The following LSAMP variants were observed in gnomAD, a reference collection of about 807,000 sequenced individuals.
LSAMP encodes the protein limbic system-associated membrane protein.
LSAMP carries 7 observed loss-of-function variants against 38.6 expected under a neutral mutation model. The ratio of observed to expected loss-of-function variants is 0.18; its 90% CI spans 0.10 to 0.34. The LOEUF is 0.34. Ranked by LOEUF, LSAMP falls within the 10% of genes least tolerant of loss-of-function variation. The pLI is 1.00. For missense variants in LSAMP, 313 were observed against 420.0 expected (o/e 0.75, Z 2.23); for synonymous variants, 154 against 166.8 (o/e 0.92, Z 0.59).
chr3:115,972,807 A>T (rs142624416), intron 3 of LSAMP, among the ~76,000 whole-genome samples: 1 of 150,530 alleles, frequency 6.6e-6, no homozygotes, highest in Non-Finnish European at 1.5e-5. Context: ...TGATGCAGTT[A>T]TTGTGAGGAT....
chr3:116,394,246 T>C (rs1408671592), intron 1 of LSAMP, among the ~76,000 whole-genome samples: 1 of 152,196 alleles, frequency 6.6e-6, no homozygotes. Context: ...CTTATGGATA[T>C]TTCACTGCAT....
At chr3:116,279,852 A>G (rs534969317) in intron 1 of LSAMP, among the ~76,000 whole-genome samples, 1 of 152,310 alleles carries the variant, frequency 6.6e-6, no homozygotes, top group South Asian at 2.1e-4. Context: ...ATGTCATATG[A>G]TAGATTAGCT....
chr3:116,232,940 G>A (rs1339081251), intron 1 of LSAMP, among the ~76,000 whole-genome samples: 1 of 151,436 alleles, frequency 6.6e-6, no homozygotes, highest in East Asian at 1.9e-4. Flanking sequence ...AGCAAGCCAG[G>A]GAAATTTATT....
At chr3:115,948,981 A>G (rs183240954) in intron 3 of LSAMP, among the ~76,000 whole-genome samples, 302 of 152,272 alleles carry the variant, frequency 2.0e-3, no homozygotes, top group African/African-American at 6.8e-3. Context: ...AAAAATACCA[A>G]AATTAGCCAG....
At chr3:115,954,200 G>C (rs1938382260) in intron 3 of LSAMP, among the ~76,000 whole-genome samples, 1 of 152,080 alleles carries the variant, frequency 6.6e-6, no homozygotes, top group African/African-American at 2.4e-5. Flanking sequence ...TGGAATGTCT[G>C]CAACTTTCCC....
intron 1 of LSAMP, among the ~76,000 whole-genome samples, chr3:116,176,912 A>G (rs1198665505): frequency 6.6e-6 from 1 of 151,978 alleles, no homozygotes; most frequent in Non-Finnish European, 1.5e-5. Context: ...TTAGGTTTCT[A>G]TATCTTTCTA....
intron 2 of LSAMP, among the ~76,000 whole-genome samples, chr3:116,055,549 G>T (rs1440956708): frequency 6.6e-6 from 1 of 150,538 alleles, no homozygotes; most frequent in Non-Finnish European, 1.5e-5. Flanking sequence ...ACACTGCCCT[G>T]CCTCACACAA....
chr3:115,929,681 G>T (rs1937549843), intron 3 of LSAMP, among the ~76,000 whole-genome samples: 1 of 152,006 alleles, frequency 6.6e-6, no homozygotes, highest in South Asian at 2.1e-4. Context: ...ACTCATAAAT[G>T]CTATAAAATT....
chr3:115,891,714 G>A (rs115901572), intron 3 of LSAMP, among the ~76,000 whole-genome samples: 2,840 of 152,034 alleles, frequency 0.019, 41 homozygotes, highest in Non-Finnish European at 0.027. Context: ...GTTCAATTTG[G>A]TCAGAGTTTT....
At chr3:116,239,828 C>G (rs936272892) in intron 1 of LSAMP, among the ~76,000 whole-genome samples, 4 of 152,096 alleles carry the variant, frequency 2.6e-5, no homozygotes, top group Non-Finnish European at 4.4e-5. Flanking sequence ...TATTCTACCA[C>G]TAATAGGGGG....
intron 1 of LSAMP, among the ~76,000 whole-genome samples, chr3:116,408,242 G>T (rs76669884): frequency 1.3e-5 from 2 of 152,034 alleles, no homozygotes; most frequent in African/African-American, 4.8e-5. Context: ...TACAGTTATA[G>T]TGAATGTTAC....
At chr3:115,910,876 A>T (rs1242590266) in intron 3 of LSAMP, among the ~76,000 whole-genome samples, 6 of 152,326 alleles carry the variant, frequency 3.9e-5, no homozygotes, top group Non-Finnish European at 8.8e-5. Flanking sequence ...TCAGTAGTTC[A>T]TTCCTTAATG....
At chr3:116,306,561 G>C (rs80243068) in intron 1 of LSAMP, among the ~76,000 whole-genome samples, 2 of 151,814 alleles carry the variant, frequency 1.3e-5, no homozygotes, top group Admixed American at 1.3e-4. Context: ...GTTAATGAAG[G>C]GTTCAGAAAA....
At chr3:115,842,053 T>C (rs1240145648) in intron 5 of LSAMP, 60 bp from the exon 6 acceptor site, 1 of 1,527,216 alleles carries the variant, frequency 6.5e-7, no homozygotes, top group Non-Finnish European at 8.9e-7. Context: ...AGCTTAGGAA[T>C]TCTTTCCCCA....
chr3:116,424,037 T>C (rs1404730361), intron 1 of LSAMP, among the ~76,000 whole-genome samples: 11 of 152,146 alleles, frequency 7.2e-5, no homozygotes, highest in African/African-American at 2.2e-4. Context: ...AAACAAGCAA[T>C]GTACTTTATT....
intron 1 of LSAMP, among the ~76,000 whole-genome samples, chr3:116,345,515 T>C (rs931192282): frequency 3.3e-5 from 5 of 152,268 alleles, no homozygotes; most frequent in African/African-American, 1.2e-4. Flanking sequence ...ATCATTGGAA[T>C]GGTATTTCTC....
chr3:116,054,083 T>G (rs1049158145), intron 2 of LSAMP, among the ~76,000 whole-genome samples: 8 of 152,180 alleles, frequency 5.3e-5, no homozygotes, highest in African/African-American at 1.9e-4. Flanking sequence ...ATGGTCCTTC[T>G]TGAGGCTGAA....
chr3:116,203,536 C>G (rs1420090579), intron 1 of LSAMP, among the ~76,000 whole-genome samples: 3 of 147,244 alleles, frequency 2.0e-5, no homozygotes, highest in African/African-American at 7.5e-5. Context: ...TCTCCCAATG[C>G]TATCCCTCCC....
Position 116,427,615 on chromosome 3 carries a change from A to G in LSAMP, c.155+17262T>C, listed in dbSNP as rs998342771. On this transcript the variant is annotated intron_variant, in intron 1 of 6. Coordinates refer to ENST00000490035, the MANE Select transcript of LSAMP (RefSeq NM_002338.5). The stretch of plus-strand genomic sequence containing the variant: ...GGGGCTTGCAATTTTTACAGTGTGA[A>G]GTCTTTCTCTTAAAAAAATAAATAC... Among the ~76,000 whole-genome samples the G allele has an allele frequency of 3.3e-5, 5 of 152,224 alleles. No individual in the cohort carries two copies. The East Asian group carries it at 9.6e-4, about 29-fold the overall frequency.
Sources: gnomAD v4.1 joint callset for allele counts (sites outside exome capture counted in the v4.1 genomes callset) on GRCh38, gnomAD v4.1.1 for gene constraint, MANE v1.5 for transcripts, NCBI Gene and HGNC (gene_info 2026-07-23, HGNC 2026-07-21) for gene names.